Variants in LIPA observed in about 807,000 individuals in gnomAD.
LIPA encodes lysosomal acid lipase/cholesteryl ester hydrolase.
Under a neutral mutation model 40.6 loss-of-function variants are expected in LIPA, and 26 were observed. That is an observed-to-expected ratio of 0.64 (90% CI 0.47 to 0.89). LIPA has a LOEUF of 0.89. Among genes scored for constraint, LIPA ranks in the 40% least tolerant of loss-of-function variants. The pLI is 0.00. For missense variants in LIPA, 455 were observed against 479.6 expected, an observed-to-expected ratio of 0.95 and a Z score of 0.48; for synonymous variants, 188 against 168.4, an observed-to-expected ratio of 1.12 and a Z score of -0.90.
At chr10:89,412,203 A>AG (rs528481867) in intron 2 of LIPA, among the ~76,000 whole-genome samples, 30 of 152,194 alleles carry the variant, frequency 2.0e-4, no homozygotes, top group Non-Finnish European at 1.6e-4. Context: ...TCCTGTTTAG[A>AG]GGGGGGATTG....
chr10:89,252,472 G>C (rs1379331392), upstream of LIPA, among the ~76,000 whole-genome samples: 1 of 151,684 alleles, frequency 6.6e-6, no homozygotes, highest in Non-Finnish European at 1.5e-5. Flanking sequence ...GTGGTGATAA[G>C]TGCTATAAAT....
intron 2 of LIPA, chr10:89,403,040 A>G: frequency 6.2e-7 from 1 of 1,614,214 alleles, no homozygotes; most frequent in Non-Finnish European, 8.5e-7. Context: ...ATGTCTTTCG[A>G]TATGCAGCCA....
intron 1 of LIPA, among the ~76,000 whole-genome samples, chr10:89,271,986 C>G (rs1449021711): frequency 1.3e-5 from 2 of 152,060 alleles, no homozygotes; most frequent in Admixed American, 6.6e-5. Flanking sequence ...GGGAGGATCA[C>G]TTGTGCCTGG....
At chr10:89,231,402 C>A (rs1023925057) in intron 3 of LIPA, among the ~76,000 whole-genome samples, 1 of 151,946 alleles carries the variant, frequency 6.6e-6, no homozygotes, top group African/African-American at 2.4e-5. Flanking sequence ...TGGAGTTGTA[C>A]AACCTGGGGG....
intron 1 of LIPA, among the ~76,000 whole-genome samples, chr10:89,330,062 G>A (rs1385583244): frequency 1.3e-5 from 2 of 152,142 alleles, no homozygotes; most frequent in African/African-American, 4.8e-5. Context: ...GCAGGAACAG[G>A]CCATTTTCAC....
intron 2 of LIPA, among the ~76,000 whole-genome samples, chr10:89,366,207 G>A (rs1448270817): frequency 6.6e-6 from 1 of 152,110 alleles, no homozygotes; most frequent in Admixed American, 6.6e-5. Context: ...TATTCTCTTT[G>A]AAGCAGTTGT....
rs563463169 is a variant in LIPA, at chr10:89,223,618, A to C, written c.822+66T>G. 1.4e-5 allele frequency: 18 copies of C among 1,285,512 alleles called. No homozygotes were observed. The East Asian group carries it at 3.5e-4, about 25-fold the overall frequency. 79.6% of individuals were successfully genotyped at this position (1,285,512 alleles called of 1,614,324 possible). ...AGGTCATTCCCACCTCTCCCATATC[A>C]TTCAACACAAATAAGCACATTCACA... is the stretch of plus-strand genomic sequence containing the variant. On this transcript the variant is annotated intron_variant, in intron 7 of 9. Transcript: ENST00000336233.
intron 1 of LIPA, among the ~76,000 whole-genome samples, chr10:89,268,247 G>GT (rs1277537585): frequency 2.0e-5 from 3 of 152,194 alleles, no homozygotes; most frequent in Admixed American, 2.0e-4. Flanking sequence ...GCAAACTAGT[G>GT]TAAGATTTTT....
chr10:89,335,206 C>G (rs948465233), intron 1 of LIPA: 3 of 152,116 alleles, frequency 2.0e-5, no homozygotes, highest in African/African-American at 7.2e-5. Context: ...GTTTTATAAT[C>G]ATAAAGCCAC....
chr10:89,344,302 T>C (rs1275740684), upstream of LIPA, among the ~76,000 whole-genome samples: 1 of 152,198 alleles, frequency 6.6e-6, no homozygotes, highest in African/African-American at 2.4e-5. Flanking sequence ...AGAATAAGCA[T>C]GTGTTCATTT....
chr10:89,219,276 C>T (rs1842666823), intron 8 of LIPA, among the ~76,000 whole-genome samples: 1 of 152,108 alleles, frequency 6.6e-6, no homozygotes, highest in East Asian at 1.9e-4. Flanking sequence ...CTCAGACAGG[C>T]CCAAGAACCA....
At chr10:89,281,442 T>C (rs1315587569) in intron 1 of LIPA, among the ~76,000 whole-genome samples, 4 of 152,184 alleles carry the variant, frequency 2.6e-5, no homozygotes, top group Non-Finnish European at 5.9e-5. Context: ...GTCTCTCTCA[T>C]TGTAATAGTC....
intron 1 of LIPA, chr10:89,284,020 T>G (rs1843328296): frequency 1.3e-5 from 2 of 152,200 alleles, no homozygotes; most frequent in Non-Finnish European, 2.9e-5. Flanking sequence ...AGAGAATACT[T>G]GTTTCTTGTT....
intron 1 of LIPA, among the ~76,000 whole-genome samples, chr10:89,260,486 T>C (rs1426444858): frequency 6.6e-6 from 1 of 152,156 alleles, no homozygotes; most frequent in East Asian, 1.9e-4. Context: ...TGGAGAAGAT[T>C]GGCTAAGCTG....
At chr10:89,280,463 C>T (rs928369233) in intron 1 of LIPA, among the ~76,000 whole-genome samples, 4 of 152,214 alleles carry the variant, frequency 2.6e-5, no homozygotes, top group African/African-American at 9.6e-5. Context: ...TTAAACACAG[C>T]TGGATTACAT....
chr10:89,369,900 T>G (rs1431389813), intron 2 of LIPA, among the ~76,000 whole-genome samples: 1 of 152,230 alleles, frequency 6.6e-6, no homozygotes, highest in African/African-American at 2.4e-5. Flanking sequence ...AAGGTCACTG[T>G]GCCCAGAAAA....
chr10:89,358,679 AC>A (rs1405584504), intron 2 of LIPA, among the ~76,000 whole-genome samples: 25 of 152,234 alleles, frequency 1.6e-4, no homozygotes, highest in African/African-American at 5.8e-4. Flanking sequence ...GCACAGAAAG[AC>A]AAATATTGCA....
intron 2 of LIPA, chr10:89,383,610 C>G (rs752871530): frequency 6.2e-7 from 1 of 1,614,196 alleles, no homozygotes; most frequent in African/African-American, 1.3e-5. Context: ...TGACCTGGGG[C>G]AACTTTGCCT....
intron 8 of LIPA, among the ~76,000 whole-genome samples, chr10:89,216,762 A>C (rs1194262489): frequency 1.3e-5 from 2 of 152,130 alleles, no homozygotes; most frequent in African/African-American, 4.8e-5. Context: ...TTTGGGGATG[A>C]TGTCTGCAGC....
Sources: allele counts gnomAD v4.1 joint callset (sites outside exome capture counted in the v4.1 genomes callset), GRCh38; gene constraint gnomAD v4.1.1; transcripts MANE v1.5; gene names NCBI Gene and HGNC (gene_info 2026-07-23, HGNC 2026-07-21).